KLHL29: variants seen among roughly 807,000 people sequenced by gnomAD.
KLHL29 encodes kelch like family member 29, also known as kelch-like protein 29.
A neutral mutation model predicts 80.4 loss-of-function variants in KLHL29; 21 were observed. That is an observed-to-expected ratio of 0.26 (90% CI 0.19 to 0.38). The LOEUF (loss-of-function observed/expected upper bound fraction) is 0.38, where lower values mean the gene tolerates loss of function less well. KLHL29 is among the 10% of genes least tolerant of loss of function. KLHL29 has a pLI of 1.00. For missense variants in KLHL29, 867 were observed against 1,223.9 expected (o/e 0.71, Z 4.35); for synonymous variants, 511 against 526.8 (o/e 0.97, Z 0.41).
intron 1 of KLHL29, among the ~76,000 whole-genome samples, chr2:23,388,008 T>C (rs1243367316): frequency 6.6e-6 from 1 of 152,226 alleles, no homozygotes; most frequent in Non-Finnish European, 1.5e-5. Flanking sequence ...CAACTTTCAT[T>C]TGCAAGCAGC....
chr2:23,548,718 G>A (rs548188547), intron 2 of KLHL29, among the ~76,000 whole-genome samples: 27 of 152,340 alleles, frequency 1.8e-4, no homozygotes, highest in South Asian at 4.1e-4. Flanking sequence ...AGTGAAAAGC[G>A]TACCTCGCCG....
chr2:23,533,956 C>G (rs1453598142), intron 2 of KLHL29, among the ~76,000 whole-genome samples: 1 of 146,302 alleles, frequency 6.8e-6, no homozygotes, highest in African/African-American at 2.5e-5. Flanking sequence ...TTTAAAGAAA[C>G]GTGTGCGCTA....
At chr2:23,632,266 C>T (rs1214715466) in intron 3 of KLHL29, among the ~76,000 whole-genome samples, 2 of 152,250 alleles carry the variant, frequency 1.3e-5, no homozygotes, top group Non-Finnish European at 2.9e-5. Context: ...ATCCCAGACA[C>T]CAAAATATCT....
At chr2:23,675,180 G>A (rs551127381) in intron 5 of KLHL29, among the ~76,000 whole-genome samples, 3 of 152,160 alleles carry the variant, frequency 2.0e-5, no homozygotes, top group South Asian at 4.2e-4. Flanking sequence ...ATCACCCCTC[G>A]GCCTCCATCC....
intron 1 of KLHL29, among the ~76,000 whole-genome samples, chr2:23,471,739 A>C (rs1460182024): frequency 6.6e-6 from 1 of 152,198 alleles, no homozygotes; most frequent in East Asian, 1.9e-4. Flanking sequence ...AATTTGGCCA[A>C]AAGTGTCACA....
At position 23,526,290 on chromosome 2, in the gene KLHL29, G is replaced by T. The variant is rs949774337; in HGVS notation, c.-45-35862G>T. 2.8e-4 allele frequency among the ~76,000 whole-genome samples: 43 copies of T among 152,172 alleles called. 1 individual carries two copies. Among genetic ancestry groups the T allele is most frequent in the Admixed American group, 5.2e-4 (8 of 15,278 alleles). ...GGGCGGTCGGAGGAAGCGTCACAGGGGAGGGGAAACCAGAGCTGTGGTCAG... is the reference window on the plus strand; with the variant it reads ...GGGCGGTCGGAGGAAGCGTCACAGGTGAGGGGAAACCAGAGCTGTGGTCAG... On this transcript the variant is annotated intron_variant, in intron 2 of 13. Transcript: ENST00000486442.
chr2:23,458,704 G>A (rs574724304), intron 1 of KLHL29, among the ~76,000 whole-genome samples: 1 of 152,348 alleles, frequency 6.6e-6, no homozygotes, highest in Non-Finnish European at 1.5e-5. Flanking sequence ...GGTGAAGAGA[G>A]AGAGGAACCA....
chr2:23,585,163 T>C (rs1428843698), intron 3 of KLHL29, among the ~76,000 whole-genome samples: 1 of 152,220 alleles, frequency 6.6e-6, no homozygotes, highest in Non-Finnish European at 1.5e-5. Context: ...TCTGTCGGCC[T>C]AATCTGCAAG....
chr2:23,497,851 C>T (rs1665315525), intron 2 of KLHL29, among the ~76,000 whole-genome samples: 1 of 152,062 alleles, frequency 6.6e-6, no homozygotes, highest in Admixed American at 6.6e-5. Flanking sequence ...GTATGGATGC[C>T]GTTCTGAAAG....
Position 23,506,172 on chromosome 2 carries a change from C to A in KLHL29, c.-46+30505C>A, listed in dbSNP as rs542045635. Among the ~76,000 whole-genome samples the A allele has an allele frequency of 5.9e-5, 9 of 152,318 alleles. No individual in the cohort carries two copies. The East Asian group carries it at 1.3e-3, about 23-fold the overall frequency. On this transcript the variant is annotated intron_variant, in intron 2 of 13. Transcript: ENST00000486442. Reference sequence around the variant, plus strand: ...CTTCCCTGGGAATGATGGGCGGGCCCAGACATATTCCAGATGGGCATGATT... The same window carrying A: ...CTTCCCTGGGAATGATGGGCGGGCCAAGACATATTCCAGATGGGCATGATT...
intron 5 of KLHL29, among the ~76,000 whole-genome samples, chr2:23,670,979 TCCCTCC>T (rs1670720734): frequency 1.7e-4 from 1 of 6,046 alleles, no homozygotes; most frequent in Non-Finnish European, 3.4e-4. Flanking sequence ...TCTCTCTCTC[TCCCTCC>T]CTCCCTCCCT....
intron 3 of KLHL29, among the ~76,000 whole-genome samples, chr2:23,571,711 C>T (rs1667721025): frequency 6.6e-6 from 1 of 152,204 alleles, no homozygotes; most frequent in Non-Finnish European, 1.5e-5. Context: ...CCTTGAACTG[C>T]TATAACCTTC....
intron 5 of KLHL29, among the ~76,000 whole-genome samples, chr2:23,671,196 A>G (rs565365868): frequency 2.3e-4 from 35 of 151,782 alleles, no homozygotes; most frequent in African/African-American, 8.0e-4. Context: ...AAATCCTTTA[A>G]AACTATTTAT....
At chr2:23,599,770 G>C (rs920664837) in intron 3 of KLHL29, among the ~76,000 whole-genome samples, 1 of 152,178 alleles carries the variant, frequency 6.6e-6, no homozygotes, top group Non-Finnish European at 1.5e-5. Context: ...ATTACTGTTT[G>C]TAATTTAAAG....
At chr2:23,599,769 T>C (rs759563598) in intron 3 of KLHL29, among the ~76,000 whole-genome samples, 3 of 152,188 alleles carry the variant, frequency 2.0e-5, no homozygotes, top group Non-Finnish European at 4.4e-5. Context: ...CATTACTGTT[T>C]GTAATTTAAA....
chr2:23,513,085 G>A (rs892261209), intron 2 of KLHL29, among the ~76,000 whole-genome samples: 1 of 152,226 alleles, frequency 6.6e-6, no homozygotes, highest in African/African-American at 2.4e-5. Context: ...TCCTTAGAGC[G>A]TGGTGCTTCT....
intron 1 of KLHL29, among the ~76,000 whole-genome samples, chr2:23,394,486 C>G (rs541537617): frequency 6.6e-6 from 1 of 152,112 alleles, no homozygotes; most frequent in Non-Finnish European, 1.5e-5. Flanking sequence ...AAGCATTTGC[C>G]CAAGTTCAGA....
chr2:23,485,249 G>A (rs1301015559), intron 2 of KLHL29, among the ~76,000 whole-genome samples: 2 of 152,200 alleles, frequency 1.3e-5, no homozygotes, highest in African/African-American at 2.4e-5. Context: ...GGAGACTACC[G>A]GGAGTCTTTG....
intron 2 of KLHL29, among the ~76,000 whole-genome samples, chr2:23,542,901 A>G (rs1424514690): frequency 2.0e-5 from 3 of 152,152 alleles, no homozygotes; most frequent in Non-Finnish European, 4.4e-5. Context: ...ACCTTGGGCA[A>G]GTCACTCCCA....
Sources: gnomAD v4.1 joint callset for allele counts (sites outside exome capture counted in the v4.1 genomes callset) on GRCh38, gnomAD v4.1.1 for gene constraint, MANE v1.5 for transcripts, NCBI Gene and HGNC (gene_info 2026-07-23, HGNC 2026-07-21) for gene names.